CCDC34: variants seen among roughly 807,000 people sequenced by gnomAD.
The protein encoded by CCDC34 is coiled-coil domain-containing protein 34.
A neutral mutation model predicts 44.1 loss-of-function variants in CCDC34; 40 were observed. The ratio of observed to expected loss-of-function variants is 0.91; its 90% CI spans 0.70 to 1.18. The LOEUF (loss-of-function observed/expected upper bound fraction) is 1.18. Ranked by LOEUF, CCDC34 falls within the 50% of genes most tolerant of loss-of-function variation. CCDC34 has a pLI of 0.00. For synonymous variants in CCDC34, 159 were observed against 158.2 expected (o/e 1.01, Z -0.04); for missense variants, 466 against 452.3 (o/e 1.03, Z -0.28).
At chr11:27,354,452 T>C (rs1050771959) in intron 2 of CCDC34, among the ~76,000 whole-genome samples, 3 of 152,168 alleles carry the variant, frequency 2.0e-5, no homozygotes, top group African/African-American at 7.2e-5. Flanking sequence ...TTAGTCCTCA[T>C]AACAACACTA....
chr11:27,342,236 T>C (rs1489369306), intron 3 of CCDC34, among the ~76,000 whole-genome samples: 1 of 150,912 alleles, frequency 6.6e-6, no homozygotes, highest in East Asian at 1.9e-4. Flanking sequence ...ATCTGTTAGA[T>C]TGTCTGAATC....
At chr11:27,362,322 G>A (rs893666224) in intron 1 of CCDC34, among the ~76,000 whole-genome samples, 13 of 152,128 alleles carry the variant, frequency 8.5e-5, no homozygotes, top group African/African-American at 2.9e-4. Flanking sequence ...CTCTAACCAC[G>A]TCTCCACATG....
chr11:27,351,145 G>A (rs1160192493), intron 2 of CCDC34, among the ~76,000 whole-genome samples: 2 of 152,188 alleles, frequency 1.3e-5, no homozygotes, highest in Non-Finnish European at 2.9e-5. Context: ...GGTTTAGAAT[G>A]CTGTTCAAAC....
chr11:27,347,016 G>A (rs1182770351), intron 3 of CCDC34, among the ~76,000 whole-genome samples: 1 of 152,166 alleles, frequency 6.6e-6, no homozygotes, highest in Non-Finnish European at 1.5e-5. Flanking sequence ...CTCCAGAACT[G>A]TGAGTAAAGA....
chr11:27,341,056 A>C (rs1210216486), intron 4 of CCDC34, among the ~76,000 whole-genome samples: 2 of 152,190 alleles, frequency 1.3e-5, no homozygotes, highest in African/African-American at 4.8e-5. Flanking sequence ...TCAAACCCAC[A>C]AAGAAAAAAG....
At chr11:27,354,871 C>T (rs1203900966) in intron 2 of CCDC34, among the ~76,000 whole-genome samples, 1 of 152,054 alleles carries the variant, frequency 6.6e-6, no homozygotes, top group Non-Finnish European at 1.5e-5. Flanking sequence ...AAAACGAAAA[C>T]AAAACCCAGA....
chr11:27,350,452 T>A lies in CCDC34; in HGVS notation c.499-13A>T. ...GTTGATTTAATTCCTGTGGATTTTATTTAGACAAAAGGCAACATTTAATAG... is the reference window on the plus strand; with the variant it reads ...GTTGATTTAATTCCTGTGGATTTTAATTAGACAAAAGGCAACATTTAATAG... On this transcript the variant is annotated splice_polypyrimidine_tract_variant and intron_variant, in intron 2 of 5. Transcript: ENST00000328697. 1 of 1,581,742 alleles carries A rather than the reference T, an allele frequency of 6.3e-7. No individual in the cohort carries two copies. The highest frequency in any genetic ancestry group is 1.1e-5 in the South Asian group (1 of 87,124).
At chr11:27,353,325 A>G (rs1161579425) in intron 2 of CCDC34, among the ~76,000 whole-genome samples, 1 of 151,858 alleles carries the variant, frequency 6.6e-6, no homozygotes, top group Non-Finnish European at 1.5e-5. Flanking sequence ...AAAAAAAAAA[A>G]GAAAAAAGAA....
chr11:27,352,306 C>T (rs1438270329), intron 2 of CCDC34, among the ~76,000 whole-genome samples: 4 of 151,732 alleles, frequency 2.6e-5, no homozygotes, highest in African/African-American at 9.7e-5. Flanking sequence ...TCGCCTGAAC[C>T]TGGGAGGCAG....
intron 1 of CCDC34, among the ~76,000 whole-genome samples, chr11:27,358,958 A>ACCCCCCCCCCC (rs71050907): frequency 1.4e-4 from 12 of 88,228 alleles, no homozygotes; most frequent in African/African-American, 2.9e-4. Flanking sequence ...CAACATGTGG[A>ACCCCCCCCCCC]CCCCCCCCCC....
chr11:27,341,128 A>G (rs11828878), intron 4 of CCDC34, among the ~76,000 whole-genome samples: 4 of 152,344 alleles, frequency 2.6e-5, no homozygotes, highest in East Asian at 1.9e-4. Context: ...CATAAAATGC[A>G]CTGAAAAATA....
chr11:27,348,765 T>C (rs1334323059), intron 3 of CCDC34: 22 of 778,568 alleles, frequency 2.8e-5, no homozygotes, highest in Non-Finnish European at 3.4e-5. Context: ...GAGGTAAATG[T>C]AACTATGTCT....
intron 3 of CCDC34, among the ~76,000 whole-genome samples, chr11:27,344,521 T>G (rs1327329670): frequency 6.6e-6 from 1 of 151,658 alleles, no homozygotes; most frequent in African/African-American, 2.4e-5. Context: ...GCTATAAACC[T>G]GTGTTGTACA....
intron 2 of CCDC34, among the ~76,000 whole-genome samples, chr11:27,355,765 T>C (rs75968854): frequency 4.6e-4 from 70 of 152,266 alleles, no homozygotes; most frequent in African/African-American, 1.7e-3. Context: ...CTGTGTACTG[T>C]CAAGAGGAAA....
chr11:27,350,174 G>A, intron 3 of CCDC34, 158 bp downstream of exon 3: 3 of 1,537,106 alleles, frequency 2.0e-6, no homozygotes, highest in Non-Finnish European at 2.6e-6. Flanking sequence ...GCAGAAGATA[G>A]AGACTTGATA....
intron 3 of CCDC34, chr11:27,349,397 TGAA>T: frequency 8.3e-6 from 7 of 838,680 alleles, no homozygotes; most frequent in Non-Finnish European, 8.6e-6. Flanking sequence ...AATACTTGGA[TGAA>T]GAAGGTTATA....
chr11:27,340,728 T>C lies in CCDC34; in HGVS notation c.875A>G (p.Lys292Arg). Residue 292 changes from lysine to arginine, a missense_variant, in exon 5 of 6, where the codon AAG becomes AGG. Transcript: ENST00000328697. Reference sequence around the variant, plus strand: ...TTTTCCATTGGCATAACCATAGCTCTTTGCAGCTGGACGAGGTTTATGTTT... The same window carrying C: ...TTTTCCATTGGCATAACCATAGCTCCTTGCAGCTGGACGAGGTTTATGTTT... ...NAKHKPRPAAKSYGYANGKLT... is the reference protein window; with the variant it reads ...NAKHKPRPAARSYGYANGKLT... 1 of 1,613,570 alleles carries C rather than the reference T, an allele frequency of 6.2e-7. No homozygotes were observed. The highest frequency in any genetic ancestry group is 8.5e-7 in the Non-Finnish European group (1 of 1,179,730).
At chr11:27,354,892 T>A (rs959367917) in intron 2 of CCDC34, among the ~76,000 whole-genome samples, 1 of 152,022 alleles carries the variant, frequency 6.6e-6, no homozygotes, top group African/African-American at 2.4e-5. Context: ...ATTTACACTT[T>A]TAACTACTCC....
intron 1 of CCDC34, among the ~76,000 whole-genome samples, chr11:27,361,137 C>G (rs1199662758): frequency 6.6e-6 from 1 of 152,212 alleles, no homozygotes; most frequent in African/African-American, 2.4e-5. Context: ...TCAGCATTCT[C>G]TTTTCAAACC....
Sources: gnomAD v4.1 joint callset for allele counts (sites outside exome capture counted in the v4.1 genomes callset) on GRCh38, gnomAD v4.1.1 for gene constraint, MANE v1.5 for transcripts, NCBI Gene and HGNC (gene_info 2026-07-23, HGNC 2026-07-21) for gene names.